Variants in ATP2B1 observed in about 807,000 individuals in gnomAD.
ATP2B1 encodes the protein ATPase plasma membrane Ca2+ transporting 1.
In ATP2B1, 14 loss-of-function variants were observed where a neutral mutation model predicts 124.2. The observed-to-expected ratio is 0.11, with a 90% confidence interval of 0.07 to 0.18. ATP2B1 has a LOEUF of 0.18. ATP2B1 is among the 10% of genes least tolerant of loss of function. The pLI is 1.00. For missense variants in ATP2B1, 763 were observed against 1,466.1 expected (o/e 0.52, Z 7.83); for synonymous variants, 449 against 492.4 (o/e 0.91, Z 1.17).
At chr12:89,688,772 T>C (rs556263573) in intron 1 of ATP2B1, among the ~76,000 whole-genome samples, 2 of 152,216 alleles carry the variant, frequency 1.3e-5, no homozygotes, top group South Asian at 4.1e-4. Context: ...GGACTCAGTC[T>C]TCTCATCTGT....
intron 1 of ATP2B1, among the ~76,000 whole-genome samples, chr12:89,663,356 T>A (rs959695071): frequency 6.6e-6 from 1 of 152,162 alleles, no homozygotes; most frequent in Non-Finnish European, 1.5e-5. Context: ...CATGGCAAAG[T>A]TTTTTAACCA....
At chr12:89,708,853 G>GGCA (rs1892861301), upstream of ATP2B1, 1 of 152,002 alleles carries the variant, frequency 6.6e-6, no homozygotes, top group Non-Finnish European at 1.5e-5. Flanking sequence ...AGGCGGCGGC[G>GGCA]GCAGCGAAGG....
intron 18 of ATP2B1, among the ~76,000 whole-genome samples, chr12:89,602,033 T>A (rs1875947970): frequency 6.6e-6 from 1 of 152,216 alleles, no homozygotes; most frequent in African/African-American, 2.4e-5. Flanking sequence ...TTTGCTCTCC[T>A]TTATGAAAAG....
At chr12:89,619,343 G>C (rs1879546356) in intron 11 of ATP2B1, among the ~76,000 whole-genome samples, 1 of 152,132 alleles carries the variant, frequency 6.6e-6, no homozygotes, top group African/African-American at 2.4e-5. Flanking sequence ...CAGGTGCAGT[G>C]ACTCACGTCT....
intron 20 of ATP2B1, chr12:89,598,527 G>A: frequency 6.7e-7 from 1 of 1,481,926 alleles, no homozygotes; most frequent in Middle Eastern, 1.8e-4. Context: ...AGGAGAAAAT[G>A]AGAAACGTTA....
chr12:89,626,412 T>C, intron 8 of ATP2B1, 42 bp downstream of exon 8: 1 of 1,535,206 alleles, frequency 6.5e-7, no homozygotes, highest in East Asian at 2.3e-5. Flanking sequence ...GCAGAAAGCA[T>C]ACTTAAAAAT....
chr12:89,689,801 A>G (rs1592985425), intron 1 of ATP2B1, among the ~76,000 whole-genome samples: 1 of 152,134 alleles, frequency 6.6e-6, no homozygotes, highest in East Asian at 1.9e-4. Flanking sequence ...TAGTACACAC[A>G]AAGTCATGTA....
intron 1 of ATP2B1, among the ~76,000 whole-genome samples, chr12:89,683,585 C>T (rs916080095): frequency 3.3e-5 from 5 of 152,120 alleles, no homozygotes; most frequent in Admixed American, 2.0e-4. Flanking sequence ...AATTCTAGCC[C>T]GTAACTATTC....
intron 1 of ATP2B1, among the ~76,000 whole-genome samples, chr12:89,658,814 T>C (rs1263311473): frequency 6.6e-6 from 1 of 152,144 alleles, no homozygotes; most frequent in Non-Finnish European, 1.5e-5. Context: ...GATAAGCACA[T>C]GAATATTAAT....
Position 89,590,928 on chromosome 12 carries a change from C to A in ATP2B1, c.*56G>T. 1 of 1,503,700 alleles carries A rather than the reference C, an allele frequency of 6.7e-7. No homozygotes were observed. Among genetic ancestry groups the A allele is most frequent in the Non-Finnish European group, 9.1e-7 (1 of 1,099,306 alleles). The allele number at this position is 1,503,700 out of a possible 1,614,324, so 93.1% of individuals were successfully genotyped here. On this transcript the variant is annotated 3_prime_UTR_variant, in exon 21 of 21. Coordinates refer to ENST00000428670, the MANE Select transcript of ATP2B1 (RefSeq NM_001366521.1). ...TGTCCATCACAATATGTGAAAAGAC[C>A]CAGTTTCAATTTGTTTCTTTACAAT...
intron 15 of ATP2B1, among the ~76,000 whole-genome samples, chr12:89,606,696 C>A (rs1339721898): frequency 6.6e-6 from 1 of 151,416 alleles, no homozygotes; most frequent in Non-Finnish European, 1.5e-5. Flanking sequence ...GCCTCAGCCT[C>A]CGGAGTAGCT....
In ATP2B1 at chr12:89,624,664, A is replaced by G. The variant is rs185708563; in HGVS notation, c.1130-267T>C. ...TAATTATATCTTTGGCCTTGTACTG[A>G]AACTAAGACAAAATAATACGCAATG... On this transcript the variant is annotated intron_variant, in intron 8 of 20. Coordinates refer to ENST00000428670, the MANE Select transcript of ATP2B1 (RefSeq NM_001366521.1). Among the ~76,000 whole-genome samples the G allele has an allele frequency of 1.9e-3, 285 of 152,276 alleles. 4 individuals are homozygous for G. The highest frequency in any genetic ancestry group is 0.017 in the Admixed American group (260 of 15,292).
intron 5 of ATP2B1, among the ~76,000 whole-genome samples, chr12:89,631,268 A>G (rs543314035): frequency 1.3e-5 from 2 of 152,306 alleles, no homozygotes; most frequent in Non-Finnish European, 1.5e-5. Flanking sequence ...ATATAAACCT[A>G]TAAATGTAAA....
At chr12:89,595,372 T>C (rs1874382066) in intron 20 of ATP2B1, among the ~76,000 whole-genome samples, 1 of 151,958 alleles carries the variant, frequency 6.6e-6, no homozygotes, top group Non-Finnish European at 1.5e-5. Context: ...AAAAATCTAC[T>C]AATGGTAAAA....
intron 2 of ATP2B1, among the ~76,000 whole-genome samples, chr12:89,654,874 C>A (rs1333158020): frequency 6.6e-6 from 1 of 151,998 alleles, no homozygotes; most frequent in Non-Finnish European, 1.5e-5. Context: ...AAATTGTAAT[C>A]CCCATTCATC....
chr12:89,611,375 G>C lies in ATP2B1; in HGVS notation c.2068-3C>G. The C allele has an allele frequency of 6.7e-7, 1 of 1,484,060 alleles. No individual in the cohort carries two copies. The highest frequency in any genetic ancestry group is 1.4e-5 in the South Asian group (1 of 69,288). 91.9% of individuals were successfully genotyped at this position (1,484,060 alleles called of 1,614,324 possible). On this transcript the variant is annotated splice_polypyrimidine_tract_variant and splice_region_variant and intron_variant, in intron 12 of 20. Transcript: ENST00000428670. Reference sequence around the variant, plus strand: ...CACTTTTTAATTGCATCTGGCACCTGGTTTACATTAAAAAAAAAAATTACA... The same window carrying C: ...CACTTTTTAATTGCATCTGGCACCTCGTTTACATTAAAAAAAAAAATTACA...
At chr12:89,617,618 T>C (rs1281825415) in intron 11 of ATP2B1, among the ~76,000 whole-genome samples, 1 of 152,194 alleles carries the variant, frequency 6.6e-6, no homozygotes, top group South Asian at 2.1e-4. Flanking sequence ...ATAAAAATCA[T>C]ACTATATACC....
Position 89,617,882 on chromosome 12 carries a change from C to T in ATP2B1, c.1830-843G>A, listed in dbSNP as rs889040127. ...TTACCCTAATCATTTTGATGTAAGTCTAAAATTTCACCTTAATACTTATTT... is the reference window on the plus strand; with the variant it reads ...TTACCCTAATCATTTTGATGTAAGTTTAAAATTTCACCTTAATACTTATTT... On this transcript the variant is annotated intron_variant, in intron 11 of 20. Transcript: ENST00000428670. 1.3e-5 allele frequency among the ~76,000 whole-genome samples: 2 copies of T among 152,146 alleles called. 1 individual carries two copies. Among genetic ancestry groups the T allele is most frequent in the Admixed American group, 1.3e-4 (2 of 15,258 alleles).
chr12:89,691,162 C>T (rs1026388439), intron 1 of ATP2B1, among the ~76,000 whole-genome samples: 2 of 151,910 alleles, frequency 1.3e-5, no homozygotes, highest in Non-Finnish European at 2.9e-5. Flanking sequence ...TAAACTGATT[C>T]ATTTCTCTGT....
Sources: gnomAD v4.1 joint callset for allele counts (sites outside exome capture counted in the v4.1 genomes callset) on GRCh38, gnomAD v4.1.1 for gene constraint, MANE v1.5 for transcripts, NCBI Gene and HGNC (gene_info 2026-07-23, HGNC 2026-07-21) for gene names.